The following CRISPLD1 variants were observed in gnomAD, a reference collection of about 807,000 sequenced individuals.
The protein encoded by CRISPLD1 is cysteine rich secretory protein LCCL domain containing 1.
CRISPLD1 carries 60 observed loss-of-function variants against 77.5 expected under a neutral mutation model. The ratio of observed to expected loss-of-function variants is 0.77; its 90% confidence interval spans 0.63 to 0.96. The LOEUF is 0.96. Among genes scored for constraint, CRISPLD1 ranks in the 40% least tolerant of loss-of-function variants. The probability of loss-of-function intolerance (pLI) is 0.00; values close to 1 mark genes in which losing one functional copy is unlikely to be tolerated. For missense variants in CRISPLD1, 623 were observed against 615.8 expected, an observed-to-expected ratio of 1.01 and a Z score of -0.12; for synonymous variants, 195 against 200.1, an observed-to-expected ratio of 0.97 and a Z score of 0.22.
Position 75,014,731 on chromosome 8 carries a change from T to G in CRISPLD1, c.627-81T>G, listed in dbSNP as rs946127216. 17 of 857,404 alleles carry G rather than the reference T, an allele frequency of 2.0e-5. No homozygotes were observed. The African/African-American group carries it at 2.7e-4, about 13-fold the overall frequency. The allele number at this position is 857,404 out of a possible 1,614,324, so 53.1% of individuals were successfully genotyped here. ...TACGCCAAAATAATTACTTAGAATG[T>G]TCATATATAGTGATGTTTCACAATG... On this transcript the variant is annotated intron_variant, in intron 5 of 14. Transcript: ENST00000262207.
Position 75,032,174 on chromosome 8 carries a change from ATTTT to A in CRISPLD1, c.1452-8_1452-5del. 2 of 1,307,222 alleles carry A rather than the reference ATTTT, an allele frequency of 1.5e-6. No individual in the cohort carries two copies. Among genetic ancestry groups the A allele is most frequent in the African/African-American group, 1.5e-5 (1 of 66,604 alleles). 81.0% of individuals were successfully genotyped at this position (1,307,222 alleles called of 1,614,324 possible). ...GATGACATCAATATACTTTTCATATATTTTTTTTTTTTGCAGTTTACAGAATCCT... is the reference window on the plus strand; with the variant it reads ...GATGACATCAATATACTTTTCATATATTTTTTTTGCAGTTTACAGAATCCT... On this transcript the variant is annotated splice_polypyrimidine_tract_variant and intron_variant, in intron 14 of 14. Coordinates refer to ENST00000262207, the MANE Select transcript of CRISPLD1 (RefSeq NM_031461.6).
At chr8:74,987,261 G>T (rs1370042460) in intron 2 of CRISPLD1, among the ~76,000 whole-genome samples, 1 of 152,128 alleles carries the variant, frequency 6.6e-6, no homozygotes. Flanking sequence ...TTACCCTAAA[G>T]AAAGTAGGTG....
At chr8:75,021,195 A>G (rs997865077) in intron 12 of CRISPLD1, among the ~76,000 whole-genome samples, 2 of 152,232 alleles carry the variant, frequency 1.3e-5, no homozygotes, top group Non-Finnish European at 2.9e-5. Context: ...TTGAAATGAA[A>G]GCAATGTTTC....
intron 2 of CRISPLD1, among the ~76,000 whole-genome samples, chr8:75,004,242 G>C (rs974799378): frequency 6.6e-6 from 1 of 152,014 alleles, no homozygotes; most frequent in East Asian, 1.9e-4. Context: ...TCTGAGCCTC[G>C]TGCATTTTCC....
chr8:74,987,608 G>C (rs1350252848), intron 2 of CRISPLD1, among the ~76,000 whole-genome samples: 2 of 152,150 alleles, frequency 1.3e-5, no homozygotes, highest in Non-Finnish European at 2.9e-5. Flanking sequence ...TACTGTGCAG[G>C]ATATGACATC....
At chr8:74,995,205 G>A (rs1812628333) in intron 2 of CRISPLD1, among the ~76,000 whole-genome samples, 2 of 152,156 alleles carry the variant, frequency 1.3e-5, no homozygotes, top group Admixed American at 1.3e-4. Context: ...AGAAAATTGA[G>A]AATTAGGAAG....
intron 13 of CRISPLD1, 124 bp downstream of exon 13, chr8:75,025,745 C>A: frequency 2.5e-6 from 1 of 394,246 alleles, no homozygotes; most frequent in African/African-American, 2.1e-5. Context: ...AATGTGTGTT[C>A]TCAGAAGAGT....
chr8:75,003,115 T>C (rs1198485906), intron 2 of CRISPLD1, among the ~76,000 whole-genome samples: 1 of 152,226 alleles, frequency 6.6e-6, no homozygotes, highest in African/African-American at 2.4e-5. Context: ...CACAGCAATT[T>C]ATCATTCTTG....
At chr8:75,031,567 CTGTGTG>C (rs755567610) in intron 14 of CRISPLD1, among the ~76,000 whole-genome samples, 46 of 65,674 alleles carry the variant, frequency 7.0e-4, no homozygotes, top group Non-Finnish European at 9.9e-4. Flanking sequence ...ATTGAATGCT[CTGTGTG>C]TGTGTGTGTG....
intron 12 of CRISPLD1, among the ~76,000 whole-genome samples, chr8:75,020,408 A>T (rs1813113467): frequency 6.6e-6 from 1 of 152,152 alleles, no homozygotes; most frequent in African/African-American, 2.4e-5. Flanking sequence ...TATTTCTCAC[A>T]GTTCTGGAGG....
chr8:75,018,028 A>G (rs1587022979), intron 10 of CRISPLD1, among the ~76,000 whole-genome samples: 1 of 152,290 alleles, frequency 6.6e-6, no homozygotes, highest in East Asian at 1.9e-4. Context: ...TACCGTATAG[A>G]AAGTAGAAAA....
At chr8:75,027,611 T>A (rs1395934392) in intron 13 of CRISPLD1, among the ~76,000 whole-genome samples, 1 of 152,126 alleles carries the variant, frequency 6.6e-6, no homozygotes, top group South Asian at 2.1e-4. Context: ...GAAGAGTAAG[T>A]TGGAAATATA....
chr8:75,017,500 T>C (rs1333377981), intron 10 of CRISPLD1, 50 bp downstream of exon 10: 1 of 1,493,316 alleles, frequency 6.7e-7, no homozygotes, highest in South Asian at 1.3e-5. Context: ...ATTGTAACAG[T>C]GAGCTAACAC....
intron 5 of CRISPLD1, 27 bp from the exon 6 acceptor site, chr8:75,014,785 T>C: frequency 6.6e-7 from 1 of 1,508,052 alleles, no homozygotes. Context: ...TAGACTACTT[T>C]TTAATAGAGC....
At chr8:75,006,649 A>C (rs1311358267) in intron 2 of CRISPLD1, among the ~76,000 whole-genome samples, 2 of 152,136 alleles carry the variant, frequency 1.3e-5, no homozygotes, top group Admixed American at 1.3e-4. Context: ...TTAGGGTGTT[A>C]AGCTATCCAT....
chr8:75,001,505 A>G (rs1286840108), intron 2 of CRISPLD1, among the ~76,000 whole-genome samples: 6 of 152,324 alleles, frequency 3.9e-5, no homozygotes, highest in Non-Finnish European at 7.3e-5. Flanking sequence ...TATATTTTAA[A>G]CTGCATATAA....
chr8:75,002,880 TTCTC>T (rs1317978320), intron 2 of CRISPLD1, among the ~76,000 whole-genome samples: 3 of 152,204 alleles, frequency 2.0e-5, no homozygotes, highest in Admixed American at 6.5e-5. Flanking sequence ...ACCATCTTCT[TTCTC>T]AGAGTTCTAA....
chr8:75,024,611 C>T (rs560912153), intron 12 of CRISPLD1, among the ~76,000 whole-genome samples: 1 of 152,256 alleles, frequency 6.6e-6, no homozygotes, highest in East Asian at 1.9e-4. Flanking sequence ...AGGCATGAGC[C>T]ACTGCGCCTG....
At chr8:75,030,839 T>A (rs888555818) in intron 14 of CRISPLD1, among the ~76,000 whole-genome samples, 2 of 150,934 alleles carry the variant, frequency 1.3e-5, no homozygotes, top group African/African-American at 2.4e-5. Flanking sequence ...TGTTTCTGTG[T>A]ATATATGTGA....
Sources: gnomAD v4.1 joint callset for allele counts (sites outside exome capture counted in the v4.1 genomes callset) on GRCh38, gnomAD v4.1.1 for gene constraint, MANE v1.5 for transcripts, NCBI Gene and HGNC (gene_info 2026-07-23, HGNC 2026-07-21) for gene names.